The following WASF3 variants were observed in gnomAD, a reference collection of about 807,000 sequenced individuals.
The protein encoded by WASF3 is actin-binding protein WASF3.
Under a neutral mutation model 46.6 loss-of-function variants are expected in WASF3, and 11 were observed. The ratio of observed to expected loss-of-function variants is 0.24; its 90% CI spans 0.15 to 0.39. WASF3 has a LOEUF of 0.39. Ranked by LOEUF, WASF3 falls within the 10% of genes least tolerant of loss-of-function variation. The probability of loss-of-function intolerance (pLI) is 1.00; values close to 1 mark genes in which losing one functional copy is unlikely to be tolerated. For synonymous variants in WASF3, 242 were observed against 259.7 expected (o/e 0.93, Z 0.65); for missense variants, 576 against 669.8 (o/e 0.86, Z 1.55).
chr13:26,556,640 C>T (rs554865873), upstream of WASF3, among the ~76,000 whole-genome samples: 6 of 152,326 alleles, frequency 3.9e-5, no homozygotes, highest in East Asian at 1.2e-3. Context: ...GATTTTTCTA[C>T]TGCATTTCTG....
chr13:26,630,276 A>T lies in WASF3; in HGVS notation c.-10-11985A>T, dbSNP rs573402808. Among the ~76,000 whole-genome samples the T allele has an allele frequency of 9.9e-5, 15 of 152,258 alleles. No individual in the cohort carries two copies. In the South Asian group the frequency reaches 3.1e-3, roughly 32 times the overall value. On this transcript the variant is annotated intron_variant, in intron 2 of 9. Transcript: ENST00000335327. ...CTGCACTCACTAACTCGTCATTTAC[A>T]TTAGGTATTTCTCCTAATGCTGTCC...
chr13:26,553,205 A>G (rs1251703624), upstream of WASF3, among the ~76,000 whole-genome samples: 1 of 152,212 alleles, frequency 6.6e-6, no homozygotes, highest in African/African-American at 2.4e-5. Flanking sequence ...AGTCACTTGC[A>G]TCACCAGTAT....
At chr13:26,676,146 G>C (rs1278652351) in intron 6 of WASF3, among the ~76,000 whole-genome samples, 1 of 152,190 alleles carries the variant, frequency 6.6e-6, no homozygotes, top group African/African-American at 2.4e-5. Flanking sequence ...AAAGATAATT[G>C]TACGTTAAGA....
At chr13:26,684,960 C>T (rs748462133) in intron 9 of WASF3, among the ~76,000 whole-genome samples, 13 of 151,810 alleles carry the variant, frequency 8.6e-5, no homozygotes, top group African/African-American at 1.7e-4. Flanking sequence ...TGGTGGCGTG[C>T]GCCGGTGGTT....
chr13:26,642,925 A>G lies in WASF3; in HGVS notation c.133+522A>G, dbSNP rs535222618. On this transcript the variant is annotated intron_variant, in intron 3 of 9. Coordinates refer to ENST00000335327, the MANE Select transcript of WASF3 (RefSeq NM_006646.6). ...TTTAACCTACTAAAAGTTAAAATGC[A>G]GATACTGATTTCTGCATTGAGGTGA... 3.3e-5 allele frequency among the ~76,000 whole-genome samples: 5 copies of G among 152,350 alleles called. No individual in the cohort carries two copies. In the East Asian group the frequency reaches 9.6e-4, roughly 29 times the overall value.
At chr13:26,681,425 A>C (rs1008319256) in intron 8 of WASF3, 105 bp downstream of exon 8, 20 of 1,347,194 alleles carry the variant, frequency 1.5e-5, no homozygotes, top group African/African-American at 2.9e-5. Context: ...GCCAAGATAG[A>C]GTCAAGGATG....
At chr13:26,555,511 G>A (rs116388007), upstream of WASF3, among the ~76,000 whole-genome samples, 976 of 152,124 alleles carry the variant, frequency 6.4e-3, 15 homozygotes, top group African/African-American at 0.022. Flanking sequence ...CCAATAAAAT[G>A]CAAGCAGAAG....
chr13:26,668,789 T>TG (rs1188098117), intron 5 of WASF3, among the ~76,000 whole-genome samples: 1 of 152,210 alleles, frequency 6.6e-6, no homozygotes, highest in East Asian at 1.9e-4. Flanking sequence ...CGCCTTTTTA[T>TG]GGAAAAAGTA....
chr13:26,579,045 G>C (rs1379936183), intron 1 of WASF3, among the ~76,000 whole-genome samples: 1 of 100,828 alleles, frequency 9.9e-6, no homozygotes, highest in Admixed American at 1.4e-4. Context: ...CTGTTGCACA[G>C]GCTGGAGAGC....
chr13:26,654,656 G>T (rs561585294), intron 3 of WASF3, among the ~76,000 whole-genome samples: 2 of 152,278 alleles, frequency 1.3e-5, no homozygotes, highest in South Asian at 4.1e-4. Context: ...ATATTGTAAA[G>T]AAGTATTTTA....
At chr13:26,641,349 G>A (rs1342220932) in intron 2 of WASF3, 1 of 152,172 alleles carries the variant, frequency 6.6e-6, no homozygotes, top group East Asian at 1.9e-4. Flanking sequence ...TACTTGCTTG[G>A]GTTGGTAAAT....
In WASF3 at chr13:26,651,057, AC is replaced by A. The variant is rs1312920773; in HGVS notation, c.133+8656del. Among the ~76,000 whole-genome samples, 6 of 152,276 alleles carry A rather than the reference AC, an allele frequency of 3.9e-5. No homozygotes were observed. In the East Asian group the frequency reaches 1.2e-3, roughly 29 times the overall value. ...GCAAATTCCTGAAAGTATAAAGAAAACCACGTCATAATAAAATTGCTAAGGA... is the reference window on the plus strand; with the variant it reads ...GCAAATTCCTGAAAGTATAAAGAAAACACGTCATAATAAAATTGCTAAGGA... On this transcript the variant is annotated intron_variant, in intron 3 of 9. Coordinates refer to ENST00000335327, the MANE Select transcript of WASF3 (RefSeq NM_006646.6).
At chr13:26,592,023 C>T (rs1160573095) in intron 1 of WASF3, among the ~76,000 whole-genome samples, 5 of 89,932 alleles carry the variant, frequency 5.6e-5, no homozygotes, top group Non-Finnish European at 1.1e-4. Flanking sequence ...AAGGAGCAGG[C>T]GAGTTTTTTT....
upstream of WASF3, among the ~76,000 whole-genome samples, chr13:26,556,940 T>C (rs1879109993): frequency 6.6e-6 from 1 of 150,950 alleles, no homozygotes; most frequent in Non-Finnish European, 1.5e-5. Flanking sequence ...CTTTTCTATC[T>C]TGGCTTTTCT....
At position 26,633,200 on chromosome 13, in the gene WASF3, C is replaced by CTTTTTTTTTTTTTTTTTT. The variant is rs58237286; in HGVS notation, c.-10-9045_-10-9044insTTTTTTTTTTTTTTTTTT. Among the ~76,000 whole-genome samples the CTTTTTTTTTTTTTTTTTT allele has an allele frequency of 3.1e-4, 28 of 90,432 alleles. 1 individual carries two copies. Among genetic ancestry groups the CTTTTTTTTTTTTTTTTTT allele is most frequent in the African/African-American group, 5.0e-4 (12 of 24,168 alleles). 59.3% of individuals were successfully genotyped at this position (90,432 alleles called of 152,430 possible). On this transcript the variant is annotated intron_variant, in intron 2 of 9. Transcript: ENST00000335327. The stretch of plus-strand genomic sequence containing the variant: ...AGTTCTGTTTTGATCTTAGTTATTT[C>CTTTTTTTTTTTTTTTTTT]TTTTTTTTTTTTTTTTCTTGAGGCA...
Position 26,559,635 on chromosome 13 carries a change from A to G in WASF3, c.-109+1816A>G, listed in dbSNP as rs563004572. ...GTTTTGATTAAAACAATTGCGTTAT[A>G]ATGCAAGTATTAAATGAATTGTCCC... On this transcript the variant is annotated intron_variant, in intron 1 of 9. Coordinates refer to ENST00000335327, the MANE Select transcript of WASF3 (RefSeq NM_006646.6). Among the ~76,000 whole-genome samples, 36 of 152,192 alleles carry G rather than the reference A, an allele frequency of 2.4e-4. No homozygotes were observed. The East Asian group carries it at 3.9e-3, about 16-fold the overall frequency.
At chr13:26,580,689 G>A (rs192505996) in intron 1 of WASF3, among the ~76,000 whole-genome samples, 8 of 149,462 alleles carry the variant, frequency 5.4e-5, no homozygotes, top group African/African-American at 1.5e-4. Context: ...GCGATGGCAC[G>A]ATCTCGGCTC....
intron 1 of WASF3, among the ~76,000 whole-genome samples, chr13:26,604,341 G>C (rs536556457): frequency 3.3e-5 from 5 of 152,300 alleles, no homozygotes; most frequent in African/African-American, 1.2e-4. Context: ...TGTTGGATAA[G>C]AGCTTTAATT....
chr13:26,634,851 G>T (rs1280746335), intron 2 of WASF3, among the ~76,000 whole-genome samples: 1 of 152,226 alleles, frequency 6.6e-6, no homozygotes, highest in Admixed American at 6.5e-5. Flanking sequence ...TCTGTCCAGA[G>T]ATCCACTGTT....
Sources: allele counts gnomAD v4.1 joint callset (sites outside exome capture counted in the v4.1 genomes callset), GRCh38; gene constraint gnomAD v4.1.1; transcripts MANE v1.5; gene names NCBI Gene and HGNC (gene_info 2026-07-23, HGNC 2026-07-21).